Variants in SPAG16 observed in about 807,000 individuals in gnomAD.
SPAG16 encodes sperm associated antigen 16.
Under a neutral mutation model 80.4 loss-of-function variants are expected in SPAG16, and 86 were observed. That is an observed-to-expected ratio of 1.07 (90% confidence interval 0.90 to 1.28). The LOEUF (loss-of-function observed/expected upper bound fraction) is 1.28. Among genes scored for constraint, SPAG16 ranks in the 50% most tolerant of loss-of-function variants. The probability of loss-of-function intolerance (pLI) is 0.00; values close to 1 mark genes in which losing one functional copy is unlikely to be tolerated. For missense variants in SPAG16, 870 were observed against 765.3 expected (o/e 1.14, Z -1.61); for synonymous variants, 294 against 265.9 (o/e 1.11, Z -1.03).
chr2:213,691,871 A>C (rs2064957271), intron 10 of SPAG16, among the ~76,000 whole-genome samples: 1 of 152,216 alleles, frequency 6.6e-6, no homozygotes, highest in Admixed American at 6.5e-5. Flanking sequence ...GCTAATACAT[A>C]GTGGAATTTC....
intron 12 of SPAG16, among the ~76,000 whole-genome samples, chr2:214,012,968 G>C (rs181204651): frequency 6.6e-6 from 1 of 152,094 alleles, no homozygotes; most frequent in East Asian, 1.9e-4. Context: ...TTGGGATGAC[G>C]CCTGAGAATT....
At chr2:214,232,575 C>T (rs1688772521) in intron 15 of SPAG16, among the ~76,000 whole-genome samples, 1 of 146,064 alleles carries the variant, frequency 6.8e-6, no homozygotes, top group Admixed American at 6.8e-5. Flanking sequence ...TCACCTCTGA[C>T]TGTGAAGGAG....
At chr2:213,370,916 A>G (rs1327404609) in intron 8 of SPAG16, among the ~76,000 whole-genome samples, 1 of 152,240 alleles carries the variant, frequency 6.6e-6, no homozygotes, top group Non-Finnish European at 1.5e-5. Flanking sequence ...TTAGTTATGT[A>G]TCCCAACTAT....
chr2:213,674,110 T>C (rs1454442856), intron 10 of SPAG16, among the ~76,000 whole-genome samples: 1 of 152,264 alleles, frequency 6.6e-6, no homozygotes, highest in Admixed American at 6.5e-5. Flanking sequence ...AAATTTAATT[T>C]GCTGTGTATT....
intron 12 of SPAG16, among the ~76,000 whole-genome samples, chr2:213,946,408 C>T (rs568950428): frequency 4.6e-5 from 7 of 152,106 alleles, no homozygotes; most frequent in South Asian, 4.2e-4. Flanking sequence ...CCACTGTGCC[C>T]GGCCTGTTGG....
intron 9 of SPAG16, among the ~76,000 whole-genome samples, chr2:213,377,373 G>A (rs1032133570): frequency 2.0e-5 from 3 of 152,176 alleles, no homozygotes; most frequent in Non-Finnish European, 4.4e-5. Context: ...GCTGCTCAGT[G>A]GAGGTAATTC....
intron 9 of SPAG16, among the ~76,000 whole-genome samples, chr2:213,380,240 C>T (rs753741048): frequency 6.6e-6 from 1 of 152,218 alleles, no homozygotes; most frequent in African/African-American, 2.4e-5. Context: ...GATTTCCCTT[C>T]ATCACTGTCT....
chr2:213,521,081 G>A (rs1323062343), intron 10 of SPAG16, among the ~76,000 whole-genome samples: 1 of 152,182 alleles, frequency 6.6e-6, no homozygotes, highest in Non-Finnish European at 1.5e-5. Context: ...TCTTATGTGT[G>A]TGTGGATTCA....
intron 12 of SPAG16, among the ~76,000 whole-genome samples, chr2:213,969,986 A>C (rs2044935287): frequency 2.0e-5 from 3 of 152,214 alleles, no homozygotes; most frequent in Admixed American, 6.5e-5. Context: ...TGGAAAGTCT[A>C]AGATCAAGAC....
intron 15 of SPAG16, among the ~76,000 whole-genome samples, chr2:214,237,602 G>A (rs947450560): frequency 6.6e-6 from 1 of 152,016 alleles, no homozygotes; most frequent in Non-Finnish European, 1.5e-5. Context: ...GTAAAATGTG[G>A]TAATAATTTA....
chr2:213,588,840 A>AAAAAAAAAAAC (rs2060575239), intron 10 of SPAG16, among the ~76,000 whole-genome samples: 1 of 144,014 alleles, frequency 6.9e-6, no homozygotes, highest in African/African-American at 2.7e-5. Flanking sequence ...AAAAAAAAAA[A>AAAAAAAAAAAC]AAAGACTCCC....
intron 15 of SPAG16, among the ~76,000 whole-genome samples, chr2:214,161,584 G>A (rs1050255886): frequency 1.3e-5 from 2 of 152,052 alleles, no homozygotes; most frequent in Non-Finnish European, 2.9e-5. Context: ...CATGTTTGTT[G>A]GTGGCATGAC....
At chr2:213,858,255 T>C (rs2075263640) in intron 10 of SPAG16, among the ~76,000 whole-genome samples, 2 of 152,152 alleles carry the variant, frequency 1.3e-5, no homozygotes, top group Non-Finnish European at 2.9e-5. Context: ...CACAGAGAAA[T>C]CTTTTTGAAA....
intron 12 of SPAG16, among the ~76,000 whole-genome samples, chr2:213,960,719 A>G (rs2044370331): frequency 6.6e-6 from 1 of 152,156 alleles, no homozygotes; most frequent in African/African-American, 2.4e-5. Flanking sequence ...TTGCTTTTGA[A>G]TGTTCTAAAT....
intron 13 of SPAG16, among the ~76,000 whole-genome samples, chr2:214,059,252 ATATG>A (rs1267428503): frequency 3.0e-5 from 3 of 99,462 alleles, no homozygotes; most frequent in African/African-American, 1.2e-4. Context: ...GTATGTATAT[ATATG>A]TATGTATATA....
intron 10 of SPAG16, among the ~76,000 whole-genome samples, chr2:213,653,870 C>G (rs1270746439): frequency 3.3e-5 from 5 of 151,946 alleles, no homozygotes; most frequent in Admixed American, 1.3e-4. Context: ...ATATAGTTAC[C>G]ATTTCTTTTC....
intron 11 of SPAG16, among the ~76,000 whole-genome samples, chr2:213,881,799 G>A (rs755401060): frequency 1.1e-4 from 16 of 152,174 alleles, no homozygotes; most frequent in Non-Finnish European, 2.2e-4. Context: ...GATGTGATTT[G>A]GGTGGAGACA....
intron 10 of SPAG16, among the ~76,000 whole-genome samples, chr2:213,617,373 C>T (rs577857264): frequency 2.6e-5 from 4 of 152,214 alleles, no homozygotes; most frequent in East Asian, 1.9e-4. Context: ...AGGAGTTTGA[C>T]ACTTGTTCCC....
chr2:213,886,520 G>A (rs1371006982), intron 11 of SPAG16, among the ~76,000 whole-genome samples: 1 of 152,012 alleles, frequency 6.6e-6, no homozygotes, highest in Non-Finnish European at 1.5e-5. Context: ...AACAACCACA[G>A]CAACAGTAGC....
Sources: gnomAD v4.1 joint callset for allele counts (sites outside exome capture counted in the v4.1 genomes callset) on GRCh38, gnomAD v4.1.1 for gene constraint, MANE v1.5 for transcripts, NCBI Gene and HGNC (gene_info 2026-07-23, HGNC 2026-07-21) for gene names.